The following CTDP1 variants were observed in gnomAD, a reference collection of about 807,000 sequenced individuals.
CTDP1 encodes CTD phosphatase 1.
Under a neutral mutation model 91.8 loss-of-function variants are expected in CTDP1, and 47 were observed. That is an observed-to-expected ratio of 0.51 (90% CI 0.41 to 0.65). The LOEUF (loss-of-function observed/expected upper bound fraction) is 0.65, where lower values mean the gene tolerates loss of function less well. Among genes scored for constraint, CTDP1 ranks in the 30% least tolerant of loss-of-function variants. The pLI, the probability that CTDP1 is intolerant of heterozygous loss-of-function variation, is 0.00. For synonymous variants in CTDP1, 656 were observed against 598.5 expected (o/e 1.10, Z -1.40); for missense variants, 1,272 against 1,373.7 (o/e 0.93, Z 1.17).
At chr18:79,687,219 C>T (rs2085518126) in intron 1 of CTDP1, among the ~76,000 whole-genome samples, 2 of 137,224 alleles carry the variant, frequency 1.5e-5, no homozygotes, top group Non-Finnish European at 3.1e-5. Flanking sequence ...TTCTCCAGTT[C>T]ACTGGTGGGC....
chr18:79,729,927 C>T lies in CTDP1; in HGVS notation c.2580+858C>T, dbSNP rs115311666. Among the ~76,000 whole-genome samples, 764 of 152,330 alleles carry T rather than the reference C, an allele frequency of 5.0e-3. 7 individuals carry two copies. The highest frequency in any genetic ancestry group is 0.018 in the African/African-American group (730 of 41,572). On this transcript the variant is annotated intron_variant, in intron 11 of 12. Transcript: ENST00000613122. ...CCCACCAGAGCCTATCCTCCCTGCCCGCCTGGCACCGCTGTCCTCTGGAGA... is the reference window on the plus strand; with the variant it reads ...CCCACCAGAGCCTATCCTCCCTGCCTGCCTGGCACCGCTGTCCTCTGGAGA...
At chr18:79,710,274 A>G (rs2086052807) in intron 5 of CTDP1, 72 bp from the exon 6 acceptor site, 1 of 1,189,810 alleles carries the variant, frequency 8.4e-7, no homozygotes, top group South Asian at 1.2e-5. Context: ...AAAACATTCA[A>G]GGCTTCACCA....
chr18:79,682,140 A>T (rs1377536315), intron 1 of CTDP1, among the ~76,000 whole-genome samples: 2 of 152,120 alleles, frequency 1.3e-5, no homozygotes, highest in African/African-American at 2.4e-5. Flanking sequence ...CGGGAGGTGC[A>T]TTTGCAGCAG....
chr18:79,701,236 C>T (rs903026549), intron 4 of CTDP1, among the ~76,000 whole-genome samples: 14 of 152,094 alleles, frequency 9.2e-5, no homozygotes, highest in African/African-American at 3.1e-4. Context: ...CCTGGCCAGG[C>T]GCGGTGGCTC....
At position 79,684,636 on chromosome 18, in the gene CTDP1, G is replaced by A. The variant is rs146316945; in HGVS notation, c.314+4375G>A. 1.8e-3 allele frequency among the ~76,000 whole-genome samples: 266 copies of A among 149,178 alleles called. 2 individuals are homozygous for A. The highest frequency in any genetic ancestry group is 6.4e-3 in the African/African-American group (249 of 38,756). On this transcript the variant is annotated intron_variant, in intron 1 of 12. Coordinates refer to ENST00000613122, the MANE Select transcript of CTDP1 (RefSeq NM_004715.5). ...GCGTTGTTGTCACCAGGCAAGGTGGGTCCGTGCCCTCGTTGCCTGCATTGT... is the reference window on the plus strand; with the variant it reads ...GCGTTGTTGTCACCAGGCAAGGTGGATCCGTGCCCTCGTTGCCTGCATTGT...
rs759370483 is a variant in CTDP1 at position 79,729,047 on chromosome 18, A to G, written c.2558A>G (p.Asp853Gly). Residue 853 changes from aspartate (D) to glycine (G), a missense_variant, in exon 11 of 13, where the codon GAT (aspartate) becomes GGT (glycine). Transcript: ENST00000613122. ...TMPLYTLCKE[D>G]LESMDKEVDD... ...CCGCTGTACACTCTTTGTAAGGAGG[A>G]TTTAGAGAGTATGGACAAAGAGGTG... The G allele has an allele frequency of 1.4e-5, 23 of 1,613,510 alleles. No homozygotes were observed. Among genetic ancestry groups the G allele is most frequent in the Non-Finnish European group, 1.9e-5 (23 of 1,180,036 alleles).
intron 12 of CTDP1, among the ~76,000 whole-genome samples, chr18:79,746,728 C>T (rs1043826696): frequency 4.6e-5 from 7 of 152,176 alleles, no homozygotes; most frequent in South Asian, 2.1e-4. Flanking sequence ...GGGATCGTCC[C>T]GCCTCAACCT....
chr18:79,722,886 G>T (rs2086373535), intron 10 of CTDP1, among the ~76,000 whole-genome samples: 1 of 152,156 alleles, frequency 6.6e-6, no homozygotes, highest in African/African-American at 2.4e-5. Context: ...GATTGGCCAC[G>T]CCTCTGGTCC....
chr18:79,679,654 A>C, upstream of CTDP1: 1 of 504,468 alleles, frequency 2.0e-6, no homozygotes, highest in Non-Finnish European at 3.9e-6. Flanking sequence ...GAGGAAAAGT[A>C]GGTAGGGCTC....
intron 12 of CTDP1, among the ~76,000 whole-genome samples, chr18:79,744,085 C>G (rs2086833958): frequency 6.6e-6 from 1 of 152,226 alleles, no homozygotes; most frequent in African/African-American, 2.4e-5. Context: ...TGATCAGAAA[C>G]TCAGGAGGAT....
intron 8 of CTDP1, 22 bp downstream of exon 8, chr18:79,715,550 C>T (rs1568196500): frequency 2.0e-6 from 3 of 1,538,266 alleles, no homozygotes; most frequent in Non-Finnish European, 2.6e-6. Flanking sequence ...CTCCCTGTGC[C>T]CTGGGCATGG....
chr18:79,748,381 T>TG (rs1034676910), intron 12 of CTDP1, among the ~76,000 whole-genome samples: 11 of 152,282 alleles, frequency 7.2e-5, no homozygotes, highest in African/African-American at 2.6e-4. Flanking sequence ...GCGCAGGGCC[T>TG]GGGGGGACCC....
At chr18:79,725,607 T>C (rs1378930265) in intron 10 of CTDP1, among the ~76,000 whole-genome samples, 1 of 151,960 alleles carries the variant, frequency 6.6e-6, no homozygotes, top group Non-Finnish European at 1.5e-5. Flanking sequence ...ACTTTTGTTT[T>C]GACAGTCAAG....
intron 12 of CTDP1, among the ~76,000 whole-genome samples, chr18:79,749,023 T>C (rs2086940036): frequency 6.6e-6 from 1 of 152,214 alleles, no homozygotes; most frequent in South Asian, 2.1e-4. Context: ...CCTGCCAAGT[T>C]ATGCTGGCGT....
At chr18:79,730,410 C>T (rs1480282006) in intron 11 of CTDP1, among the ~76,000 whole-genome samples, 2 of 152,060 alleles carry the variant, frequency 1.3e-5, no homozygotes, top group African/African-American at 4.8e-5. Context: ...GTGGAGGACT[C>T]GGGGTCTGTT....
intron 12 of CTDP1, among the ~76,000 whole-genome samples, chr18:79,741,513 C>T (rs1052997176): frequency 6.6e-6 from 1 of 152,214 alleles, no homozygotes; most frequent in Admixed American, 6.5e-5. Flanking sequence ...ACAGAGACAA[C>T]AGCTGATGAT....
At chr18:79,698,157 G>A (rs895610549) in intron 4 of CTDP1, among the ~76,000 whole-genome samples, 169 bp downstream of exon 4, 2 of 152,212 alleles carry the variant, frequency 1.3e-5, no homozygotes, top group African/African-American at 4.8e-5. Context: ...TGGGCTGTTG[G>A]GGAGCATCCG....
rs1012787513 is a variant in CTDP1, at chr18:79,728,999, A to C, written c.2510A>C (p.Gln837Pro). Residue 837 changes from glutamine (Q) to proline (P), a missense_variant, in exon 11 of 13, where the codon CAG (glutamine) becomes CCG (proline). Gln to Pro is a moderately conservative substitution (Grantham distance 76, BLOSUM62 -1). This residue lies in a region of CTDP1 where 881 missense variants were observed against 911.6 expected (regional missense o/e 0.97). Coordinates refer to ENST00000613122, the MANE Select transcript of CTDP1 (RefSeq NM_004715.5). ...EQPGPSRRKRQPSMSETMPLY... is the reference protein window; with the variant it reads ...EQPGPSRRKRPPSMSETMPLY... ...CCTGGCCCTTCTAGAAGAAAGCGACAGCCCAGTATGTCTGAGACAATGCCG... is the reference window on the plus strand; with the variant it reads ...CCTGGCCCTTCTAGAAGAAAGCGACCGCCCAGTATGTCTGAGACAATGCCG... 1 of 1,614,098 alleles carries C rather than the reference A, an allele frequency of 6.2e-7. No individual in the cohort carries two copies. Among genetic ancestry groups the C allele is most frequent in the African/African-American group, 1.3e-5 (1 of 74,950 alleles).
intron 4 of CTDP1, among the ~76,000 whole-genome samples, chr18:79,704,505 C>T (rs1270040748): frequency 6.6e-6 from 1 of 152,220 alleles, no homozygotes; most frequent in Admixed American, 6.5e-5. Flanking sequence ...CACATGTGTC[C>T]TCTGTCCCGT....
Sources: gnomAD v4.1 joint callset for allele counts (sites outside exome capture counted in the v4.1 genomes callset) on GRCh38, gnomAD v4.1.1 for gene constraint, gnomAD v4.1.1 regional missense constraint, MANE v1.5 for transcripts, NCBI Gene and HGNC (gene_info 2026-07-23, HGNC 2026-07-21) for gene names.